The following GAB2 variants were observed in gnomAD, a reference collection of about 807,000 sequenced individuals.
GAB2 encodes the protein GRB2-associated-binding protein 2.
In GAB2, 26 loss-of-function variants were observed where a neutral mutation model predicts 65.5. That is an observed-to-expected ratio of 0.40 (90% confidence interval 0.29 to 0.55). The LOEUF is 0.55. Among genes scored for constraint, GAB2 ranks in the 20% least tolerant of loss-of-function variants. The pLI, the probability that GAB2 is intolerant of heterozygous loss-of-function variation, is 0.53. For synonymous variants in GAB2, 321 were observed against 329.6 expected (o/e 0.97, Z 0.28); for missense variants, 884 against 875.8 (o/e 1.01, Z -0.12).
At position 78,250,404 on chromosome 11, in the gene GAB2, A is replaced by C. The variant is rs199518225; in HGVS notation, c.377-4T>G. The C allele has an allele frequency of 7.1e-5, 115 of 1,612,006 alleles. No individual in the cohort carries two copies. The East Asian group carries it at 2.3e-3, about 32-fold the overall frequency. ...GAGGAAACATTTCTCAGGGAGTCTGAAAAGGAGAAATAGCTCTGTGAATGA... is the reference window on the plus strand; with the variant it reads ...GAGGAAACATTTCTCAGGGAGTCTGCAAAGGAGAAATAGCTCTGTGAATGA... On this transcript the variant is annotated splice_polypyrimidine_tract_variant and splice_region_variant and intron_variant, in intron 2 of 9. Transcript: ENST00000361507.
At chr11:78,411,597 A>G (rs752126173) in intron 1 of GAB2, among the ~76,000 whole-genome samples, 35 of 152,242 alleles carry the variant, frequency 2.3e-4, no homozygotes, top group Non-Finnish European at 3.4e-4. Context: ...AAGCAATTCA[A>G]TGGAAGTAGG....
At chr11:78,326,321 A>C (rs1855821902) in intron 1 of GAB2, among the ~76,000 whole-genome samples, 1 of 152,196 alleles carries the variant, frequency 6.6e-6, no homozygotes, top group Admixed American at 6.5e-5. Flanking sequence ...TAAAACACAA[A>C]CACCACTGAA....
intron 1 of GAB2, among the ~76,000 whole-genome samples, chr11:78,391,872 G>C (rs961047723): frequency 1.3e-5 from 2 of 152,164 alleles, no homozygotes; most frequent in Non-Finnish European, 2.9e-5. Context: ...CTTTAATCAT[G>C]ACCAAAGATG....
intron 1 of GAB2, among the ~76,000 whole-genome samples, chr11:78,405,193 G>A (rs868753765): frequency 2.8e-5 from 4 of 143,814 alleles, no homozygotes; most frequent in African/African-American, 5.1e-5. Flanking sequence ...CCACCTCCCC[G>A]GTTCACGCCA....
chr11:78,408,019 C>T (rs1036595335), intron 1 of GAB2, among the ~76,000 whole-genome samples: 12 of 152,012 alleles, frequency 7.9e-5, no homozygotes, highest in African/African-American at 2.9e-4. Context: ...TTATCACTGG[C>T]CAATCTACCC....
intron 2 of GAB2, among the ~76,000 whole-genome samples, chr11:78,276,092 C>T (rs796351117): frequency 1.2e-4 from 16 of 135,350 alleles, no homozygotes; most frequent in South Asian, 4.7e-4. Flanking sequence ...CCAGCCTGGA[C>T]GACAGAGCAA....
In GAB2 at chr11:78,230,114, C is replaced by T. The variant is rs192323421; in HGVS notation, c.621-3063G>A. ...TTAGCACCTAGGTTAATGCTTGTTG[C>T]ATTATAAATAATGAATAAACGTTTG... On this transcript the variant is annotated intron_variant, in intron 3 of 9. Coordinates refer to ENST00000361507, the MANE Select transcript of GAB2 (RefSeq NM_080491.3). 5.3e-5 allele frequency among the ~76,000 whole-genome samples: 8 copies of T among 152,310 alleles called. No individual in the cohort carries two copies. The East Asian group carries it at 1.5e-3, about 29-fold the overall frequency.
chr11:78,411,056 G>C (rs1178623127), intron 1 of GAB2, among the ~76,000 whole-genome samples: 1 of 150,206 alleles, frequency 6.7e-6, no homozygotes, highest in Non-Finnish European at 1.5e-5. Context: ...GGGAGGCTGA[G>C]ACAGTAGGAT....
chr11:78,343,635 ACTG>A (rs749539648), intron 1 of GAB2, among the ~76,000 whole-genome samples: 3 of 152,238 alleles, frequency 2.0e-5, no homozygotes, highest in Non-Finnish European at 4.4e-5. Context: ...TGCGGCAGCC[ACTG>A]CTGCTTCTTG....
chr11:78,353,018 T>C (rs570992042), intron 1 of GAB2, among the ~76,000 whole-genome samples: 5 of 152,178 alleles, frequency 3.3e-5, no homozygotes, highest in Non-Finnish European at 5.9e-5. Flanking sequence ...AGACTTCAGA[T>C]CAAGAATCCT....
chr11:78,227,185 G>A (rs1307735281), intron 3 of GAB2, 134 bp from the exon 4 acceptor site: 13 of 648,452 alleles, frequency 2.0e-5, no homozygotes, highest in South Asian at 5.5e-5. Context: ...TATTTTGAAG[G>A]TTGTTCAGAC....
chr11:78,368,474 A>G (rs1381520692), intron 1 of GAB2, among the ~76,000 whole-genome samples: 1 of 152,262 alleles, frequency 6.6e-6, no homozygotes, highest in Non-Finnish European at 1.5e-5. Flanking sequence ...ACTGAAATAC[A>G]GTACTGATGG....
chr11:78,287,089 A>G (rs553105149), intron 1 of GAB2, among the ~76,000 whole-genome samples: 8 of 152,360 alleles, frequency 5.3e-5, no homozygotes, highest in Non-Finnish European at 1.0e-4. Context: ...TCCATATTTG[A>G]AATCCGTCAT....
At chr11:78,259,662 GT>G (rs1341427960) in intron 2 of GAB2, among the ~76,000 whole-genome samples, 2 of 152,128 alleles carry the variant, frequency 1.3e-5, no homozygotes, top group Non-Finnish European at 2.9e-5. Context: ...ACTTTACACA[GT>G]AACTCACATA....
At position 78,336,350 on chromosome 11, in the gene GAB2, A is replaced by C. The variant is rs1226241641; in HGVS notation, c.76-55449T>G. On this transcript the variant is annotated intron_variant, in intron 1 of 9. Coordinates refer to ENST00000361507, the MANE Select transcript of GAB2 (RefSeq NM_080491.3). ...TCAAAAAAAAAAAAAAAAAAAAAAA[A>C]AAAAAAAAAAAACACAACAAGAATT... is the stretch of plus-strand genomic sequence containing the variant. 4.4e-3 allele frequency among the ~76,000 whole-genome samples: 655 copies of C among 147,798 alleles called. 5 individuals carry two copies. The highest frequency in any genetic ancestry group is 0.015 in the African/African-American group (604 of 39,584).
intron 1 of GAB2, among the ~76,000 whole-genome samples, chr11:78,326,882 G>C (rs1009127409): frequency 4.6e-5 from 7 of 152,164 alleles, no homozygotes; most frequent in Admixed American, 2.0e-4. Context: ...TTAAAACCTT[G>C]TTGAGGATTT....
intron 1 of GAB2, among the ~76,000 whole-genome samples, chr11:78,334,973 A>G (rs905731910): frequency 6.6e-6 from 1 of 152,128 alleles, no homozygotes; most frequent in African/African-American, 2.4e-5. Flanking sequence ...TGTAGTTTTG[A>G]TTATGTATCT....
intron 1 of GAB2, among the ~76,000 whole-genome samples, chr11:78,368,585 A>C (rs973363331): frequency 2.6e-5 from 4 of 152,248 alleles, no homozygotes; most frequent in Non-Finnish European, 4.4e-5. Flanking sequence ...TACTACACGA[A>C]GGAAGAATTT....
chr11:78,236,862 G>A (rs569091037), intron 3 of GAB2, among the ~76,000 whole-genome samples: 1 of 152,050 alleles, frequency 6.6e-6, no homozygotes, highest in Admixed American at 6.5e-5. Context: ...ATACACACAT[G>A]CATATTCCCT....
Sources: allele counts gnomAD v4.1 joint callset (sites outside exome capture counted in the v4.1 genomes callset), GRCh38; gene constraint gnomAD v4.1.1; transcripts MANE v1.5; gene names NCBI Gene and HGNC (gene_info 2026-07-23, HGNC 2026-07-21).